Variants in PCDH9 observed in about 807,000 individuals in gnomAD.
PCDH9 encodes the protein protocadherin 9.
In PCDH9, 24 loss-of-function variants were observed where a neutral mutation model predicts 70.6. The ratio of observed to expected loss-of-function variants is 0.34; its 90% CI spans 0.25 to 0.48. PCDH9 has a LOEUF of 0.48. Among genes scored for constraint, PCDH9 ranks in the 20% least tolerant of loss-of-function variants. The pLI is 0.99. For synonymous variants in PCDH9, 562 were observed against 558.5 expected, an observed-to-expected ratio of 1.01 and a Z score of -0.09; for missense variants, 1,281 against 1,503.6, an observed-to-expected ratio of 0.85 and a Z score of 2.45.
chr13:67,126,395 A>G (rs992882742), intron 2 of PCDH9, among the ~76,000 whole-genome samples: 3 of 152,200 alleles, frequency 2.0e-5, no homozygotes, highest in Non-Finnish European at 4.4e-5. Flanking sequence ...TATGAAAGCA[A>G]AGCATTACAT....
chr13:66,762,945 A>G (rs962595911), intron 3 of PCDH9, among the ~76,000 whole-genome samples: 5 of 151,798 alleles, frequency 3.3e-5, no homozygotes, highest in Non-Finnish European at 7.4e-5. Context: ...ATGGTAAATC[A>G]TTTTTCAAAA....
At chr13:66,687,623 C>G (rs1347536657) in intron 3 of PCDH9, among the ~76,000 whole-genome samples, 2 of 152,022 alleles carry the variant, frequency 1.3e-5, no homozygotes, top group Non-Finnish European at 2.9e-5. Context: ...AACTTTAGTG[C>G]CTGCTATTTG....
intron 2 of PCDH9, among the ~76,000 whole-genome samples, chr13:66,911,028 G>C (rs537298738): frequency 2.0e-5 from 3 of 152,278 alleles, no homozygotes; most frequent in Admixed American, 2.0e-4. Flanking sequence ...TTTAGCTTTG[G>C]AGAAAGCTCT....
At chr13:67,174,372 A>T (rs2088387559) in intron 2 of PCDH9, among the ~76,000 whole-genome samples, 1 of 151,822 alleles carries the variant, frequency 6.6e-6, no homozygotes, top group Non-Finnish European at 1.5e-5. Flanking sequence ...AGAAAAATTT[A>T]TCGCTTATTA....
intron 3 of PCDH9, among the ~76,000 whole-genome samples, chr13:66,851,905 G>A (rs932331308): frequency 6.6e-6 from 1 of 152,054 alleles, no homozygotes; most frequent in Non-Finnish European, 1.5e-5. Flanking sequence ...AGCCAATCTG[G>A]TTTCTGGTAA....
At chr13:66,400,450 C>A (rs1197997661) in intron 4 of PCDH9, among the ~76,000 whole-genome samples, 1 of 152,132 alleles carries the variant, frequency 6.6e-6, no homozygotes, top group Non-Finnish European at 1.5e-5. Flanking sequence ...AATATATCAT[C>A]ATCAGTTACC....
At chr13:66,786,606 C>T (rs763618979) in intron 3 of PCDH9, among the ~76,000 whole-genome samples, 3 of 152,118 alleles carry the variant, frequency 2.0e-5, no homozygotes, top group Non-Finnish European at 2.9e-5. Context: ...GAGCTTAATT[C>T]AAGATTTCTA....
At chr13:66,417,791 G>A (rs1021379558) in intron 4 of PCDH9, among the ~76,000 whole-genome samples, 11 of 152,242 alleles carry the variant, frequency 7.2e-5, no homozygotes, top group South Asian at 4.1e-4. Flanking sequence ...TTTGTTGGCC[G>A]CATAAATGTC....
intron 4 of PCDH9, among the ~76,000 whole-genome samples, chr13:66,599,432 T>C (rs1785321946): frequency 6.6e-6 from 1 of 151,942 alleles, no homozygotes; most frequent in African/African-American, 2.4e-5. Context: ...TATTAAAAGT[T>C]ATTACCTGAA....
At chr13:66,671,788 T>C (rs1171104250) in intron 3 of PCDH9, among the ~76,000 whole-genome samples, 1 of 152,172 alleles carries the variant, frequency 6.6e-6, no homozygotes, top group Non-Finnish European at 1.5e-5. Flanking sequence ...TTCAAAAATA[T>C]ATGGAACTTT....
intron 3 of PCDH9, among the ~76,000 whole-genome samples, chr13:66,805,695 T>C (rs1034005538): frequency 2.0e-5 from 3 of 152,154 alleles, no homozygotes; most frequent in African/African-American, 7.2e-5. Context: ...ATATAGAACA[T>C]AGAAATATTC....
chr13:67,183,072 G>C (rs1004255748), intron 2 of PCDH9, among the ~76,000 whole-genome samples: 1 of 152,028 alleles, frequency 6.6e-6, no homozygotes, highest in African/African-American at 2.4e-5. Context: ...TACTACTATA[G>C]ACATTATCAA....
intron 2 of PCDH9, among the ~76,000 whole-genome samples, chr13:67,054,223 A>T (rs2085376336): frequency 6.6e-6 from 1 of 152,246 alleles, no homozygotes; most frequent in Admixed American, 6.5e-5. Flanking sequence ...TAACTTAGTT[A>T]ACAGAAGAGT....
intron 2 of PCDH9, among the ~76,000 whole-genome samples, chr13:66,950,975 T>A (rs1247856642): frequency 6.6e-6 from 1 of 151,938 alleles, no homozygotes; most frequent in Non-Finnish European, 1.5e-5. Context: ...AAAAAAAAAA[T>A]TGAATTTTAT....
chr13:66,636,549 T>C (rs2077639965), intron 3 of PCDH9, among the ~76,000 whole-genome samples: 1 of 152,122 alleles, frequency 6.6e-6, no homozygotes, highest in Non-Finnish European at 1.5e-5. Flanking sequence ...TATTGTCCAA[T>C]GGAATGTTAT....
At chr13:66,910,534 C>G (rs370197519) in intron 2 of PCDH9, among the ~76,000 whole-genome samples, 111 of 788 alleles carry the variant, frequency 0.14, no homozygotes, top group African/African-American at 0.29. Context: ...GTAAAAAAAT[C>G]TTACAAATTT....
intron 2 of PCDH9, among the ~76,000 whole-genome samples, chr13:67,002,952 T>C (rs1284654266): frequency 6.6e-6 from 1 of 152,084 alleles, no homozygotes; most frequent in East Asian, 1.9e-4. Flanking sequence ...GGCCTTTCTG[T>C]ACTCCCTGTG....
intron 2 of PCDH9, among the ~76,000 whole-genome samples, chr13:67,095,344 A>G (rs986645381): frequency 3.3e-5 from 5 of 152,198 alleles, no homozygotes; most frequent in Non-Finnish European, 7.4e-5. Flanking sequence ...ATTTAAAGTC[A>G]TAGAATATCT....
At chr13:66,841,143 C>T (rs1380185513) in intron 3 of PCDH9, among the ~76,000 whole-genome samples, 2 of 152,010 alleles carry the variant, frequency 1.3e-5, no homozygotes, top group African/African-American at 2.4e-5. Context: ...TCTGTAATAT[C>T]CAAATTTATT....
Sources: gnomAD v4.1 joint callset for allele counts (sites outside exome capture counted in the v4.1 genomes callset) on GRCh38, gnomAD v4.1.1 for gene constraint, MANE v1.5 for transcripts, NCBI Gene and HGNC (gene_info 2026-07-23, HGNC 2026-07-21) for gene names.